Variants in UGT2B11 observed in about 807,000 individuals in gnomAD.
The protein encoded by UGT2B11 is UDP glucuronosyltransferase family 2 member B11, also known as UDP-glucuronosyltransferase 2B11.
UGT2B11 carries 49 observed loss-of-function variants against 51.7 expected under a neutral mutation model. That is an observed-to-expected ratio of 0.95 (90% confidence interval 0.75 to 1.20). The LOEUF is 1.20. Among genes scored for constraint, UGT2B11 ranks in the 50% most tolerant of loss-of-function variants. The probability of loss-of-function intolerance (pLI) is 0.00; values close to 1 mark genes in which losing one functional copy is unlikely to be tolerated. For missense variants in UGT2B11, 810 were observed against 622.1 expected (o/e 1.30, Z -3.21); for synonymous variants, 273 against 209.0 (o/e 1.31, Z -2.64).
rs756939149 is a variant in UGT2B11 at position 69,214,518 on chromosome 4, C to T, written c.205G>A (p.Ala69Thr). ...TAAACTTCAAATTTAAGAGTGGATG[C>T]ATCATTGGGATCAAAAAGAATGGAA... ...SASILFDPND[A>T]STLKFEVYPT... is the part of the protein sequence containing the mutation. The change falls in exon 1 of 6, where the codon GCA becomes ACA. Residue 69 changes from alanine to threonine, a missense_variant. By Grantham distance (58) the Ala-to-Thr change is moderately conservative. Transcript: ENST00000446444. The T allele has an allele frequency of 5.0e-6, 8 of 1,612,990 alleles. No homozygotes were observed. In the East Asian group the frequency reaches 8.9e-5, roughly 18 times the overall value.
chr4:69,208,409 T>TAGTA lies in UGT2B11; in HGVS notation c.943_944insTACT (p.Asn315IlefsTer27). ...TACATTGGCCCTTTCTGCTGTCATG[T>TAGTA]TACTTATCACTGACCCCAGAGAAAA... On this transcript the variant is annotated frameshift_variant, in exon 3 of 6. Transcript: ENST00000446444. LOFTEE classifies it high-confidence loss of function. 1 of 1,610,922 alleles carries TAGTA rather than the reference T, an allele frequency of 6.2e-7. No homozygotes were observed. Among genetic ancestry groups the TAGTA allele is most frequent in the Admixed American group, 1.7e-5 (1 of 59,862 alleles).
intron 3 of UGT2B11, 87 bp from the exon 4 acceptor site, chr4:69,205,654 T>A (rs1484026897): frequency 7.2e-7 from 1 of 1,395,686 alleles, no homozygotes; most frequent in Non-Finnish European, 9.9e-7. Flanking sequence ...AGGAATGAGA[T>A]CAAGGGATGT....
chr4:69,212,545 A>C, intron 2 of UGT2B11, 28 bp downstream of exon 2: 1 of 1,594,418 alleles, frequency 6.3e-7, no homozygotes, highest in Non-Finnish European at 8.5e-7. Flanking sequence ...CGAAGCCAAC[A>C]AAATAAAACC....
chr4:69,211,090 C>T (rs937273585), intron 2 of UGT2B11: 2 of 151,548 alleles, frequency 1.3e-5, no homozygotes, highest in African/African-American at 4.8e-5. Flanking sequence ...GAGACAAGTT[C>T]ATCCAGAAAG....
intron 3 of UGT2B11, among the ~76,000 whole-genome samples, chr4:69,207,798 G>A (rs544808904): frequency 2.1e-3 from 316 of 151,692 alleles, no homozygotes; most frequent in African/African-American, 4.9e-3. Context: ...CCAGAGTACG[G>A]TAAGTAATAG....
At chr4:69,216,106 A>G (rs1722266082), upstream of UGT2B11, 1 of 151,984 alleles carries the variant, frequency 6.6e-6, no homozygotes, top group Non-Finnish European at 1.5e-5. Context: ...GCCAGTTGTA[A>G]ATGGATGATA....
intron 2 of UGT2B11, among the ~76,000 whole-genome samples, chr4:69,209,315 A>G (rs1467863415): frequency 2.0e-5 from 3 of 151,668 alleles, no homozygotes; most frequent in African/African-American, 4.8e-5. Flanking sequence ...AGGAACTCTC[A>G]TCATCACTTT....
Position 69,200,439 on chromosome 4 carries a change from A to G in UGT2B11, c.*1T>C, listed in dbSNP as rs894647657. 1 of 1,610,502 alleles carries G rather than the reference A, an allele frequency of 6.2e-7. No homozygotes were observed. The highest frequency in any genetic ancestry group is 2.2e-5 in the East Asian group (1 of 44,628). On this transcript the variant is annotated 3_prime_UTR_variant, in exon 6 of 6. Transcript: ENST00000446444. ...TTTCCAGCTTCAAATGTCAGACATAACTAATCTCTTTTTCCCTTCTTCCCT... is the reference window on the plus strand; with the variant it reads ...TTTCCAGCTTCAAATGTCAGACATAGCTAATCTCTTTTTCCCTTCTTCCCT...
At position 69,200,311 on chromosome 4, in the gene UGT2B11, AATTTTTT is replaced by A; in HGVS notation, c.*122_*128del. 4.2e-5 allele frequency: 42 copies of A among 999,934 alleles called. No individual in the cohort carries two copies. The highest frequency in any genetic ancestry group is 1.0e-4 in the East Asian group (3 of 29,944). The allele number at this position is 999,934 out of a possible 1,614,324, so 61.9% of individuals were successfully genotyped here. On this transcript the variant is annotated 3_prime_UTR_variant, in exon 6 of 6. Coordinates refer to ENST00000446444, the MANE Select transcript of UGT2B11 (RefSeq NM_001073.3). ...TTTTACTTGACAAGGTAGATTTGAA[AATTTTTT>A]TTTTTTTTTTTTTTTTGTCACAGGA...
chr4:69,219,480 G>A (rs950887584), upstream of UGT2B11, among the ~76,000 whole-genome samples: 8 of 141,676 alleles, frequency 5.6e-5, no homozygotes, highest in African/African-American at 2.3e-4. Context: ...TTGTTCTAGG[G>A]TTTTATAGTT....
the UGT2B11 span, among the ~76,000 whole-genome samples, chr4:69,220,521 TGTCTCAAC>T: frequency 6.7e-6 from 1 of 149,166 alleles, no homozygotes; most frequent in Non-Finnish European, 1.5e-5. Context: ...TCTTCATGAT[TGTCTCAAC>T]CATGTGTAAG....
At chr4:69,204,747 T>G in intron 4 of UGT2B11, 98 bp from the exon 5 acceptor site, 1 of 1,563,840 alleles carries the variant, frequency 6.4e-7, no homozygotes, top group Non-Finnish European at 8.7e-7. Flanking sequence ...GATAACACAT[T>G]GAACTAATTT....
At chr4:69,202,242 G>C (rs548060975) in intron 5 of UGT2B11, among the ~76,000 whole-genome samples, 1 of 151,768 alleles carries the variant, frequency 6.6e-6, no homozygotes, top group Non-Finnish European at 1.5e-5. Flanking sequence ...CGAACACTCT[G>C]CTATACAGCA....
the UGT2B11 span, among the ~76,000 whole-genome samples, chr4:69,223,149 C>T: frequency 3.9e-5 from 6 of 152,250 alleles, 2 homozygotes; most frequent in African/African-American, 1.4e-4. Context: ...CAGGGGACCA[C>T]GTTTCTCCAT....
chr4:69,210,445 A>G (rs1722018075), intron 2 of UGT2B11, among the ~76,000 whole-genome samples: 1 of 151,648 alleles, frequency 6.6e-6, no homozygotes, highest in Non-Finnish European at 1.5e-5. Flanking sequence ...AAAGAATGCA[A>G]CCTGGGTTAG....
chr4:69,217,936 G>A (rs981845544), upstream of UGT2B11, among the ~76,000 whole-genome samples: 1 of 152,080 alleles, frequency 6.6e-6, no homozygotes, highest in Non-Finnish European at 1.5e-5. Flanking sequence ...GTTCTTGTGA[G>A]CAAATTTTGG....
chr4:69,204,310 G>T, intron 5 of UGT2B11, 120 bp downstream of exon 5: 2 of 1,439,926 alleles, frequency 1.4e-6, no homozygotes, highest in Non-Finnish European at 1.9e-6. Context: ...TTTCAGATTG[G>T]TTATATCATT....
upstream of UGT2B11, among the ~76,000 whole-genome samples, chr4:69,217,938 A>C (rs1374182910): frequency 6.6e-6 from 1 of 152,114 alleles, no homozygotes; most frequent in African/African-American, 2.4e-5. Context: ...TCTTGTGAGC[A>C]AATTTTGGAA....
the UGT2B11 span, among the ~76,000 whole-genome samples, chr4:69,221,751 C>A: frequency 6.6e-6 from 1 of 152,094 alleles, no homozygotes; most frequent in Non-Finnish European, 1.5e-5. Flanking sequence ...ACTGAGAAGG[C>A]CACACCAGTG....
Sources: gnomAD v4.1 joint callset for allele counts (sites outside exome capture counted in the v4.1 genomes callset) on GRCh38, gnomAD v4.1.1 for gene constraint, MANE v1.5 for transcripts, NCBI Gene and HGNC (gene_info 2026-07-23, HGNC 2026-07-21) for gene names.